DLK1: variants seen among roughly 807,000 people sequenced by gnomAD.
DLK1 encodes delta like non-canonical Notch ligand 1.
A neutral mutation model predicts 35.2 loss-of-function variants in DLK1; 9 were observed. The observed-to-expected ratio is 0.26, with a 90% CI of 0.15 to 0.45. DLK1 has a LOEUF of 0.45. DLK1 is among the 20% of genes least tolerant of loss of function. The probability of loss-of-function intolerance (pLI) is 1.00; values close to 1 mark genes in which losing one functional copy is unlikely to be tolerated. For missense variants in DLK1, 522 were observed against 528.5 expected (o/e 0.99, Z 0.12); for synonymous variants, 231 against 228.4 (o/e 1.01, Z -0.10).
chr14:100,734,410 C>A lies in DLK1; in HGVS notation c.666C>A (p.Thr222=), dbSNP rs2036546344. The change falls in exon 5 of 5, where the codon ACC becomes ACA. Residue 222 remains threonine (T), a synonymous_variant. Coordinates refer to ENST00000341267, the MANE Select transcript of DLK1 (RefSeq NM_003836.7). The surrounding 1 kb of genome is among the most constrained non-coding windows in gnomAD (Gnocchi z 7.4). Reference sequence around the variant, plus strand: ...GCAGCCCGTGCCAGAACGGGGGCACCTGCCTGCAGCACACCCAGGTGAGCT... The same window carrying A: ...GCAGCCCGTGCCAGAACGGGGGCACATGCCTGCAGCACACCCAGGTGAGCT... The part of the protein sequence containing the change: ...CASSPCQNGG[T]CLQHTQVSYE... The A allele has an allele frequency of 6.2e-7, 1 of 1,611,624 alleles. No individual in the cohort carries two copies. The highest frequency in any genetic ancestry group is 1.7e-5 in the Admixed American group (1 of 59,942).
At chr14:100,731,254 A>G (rs958976151) in intron 3 of DLK1, among the ~76,000 whole-genome samples, 1 of 152,160 alleles carries the variant, frequency 6.6e-6, no homozygotes, top group Non-Finnish European at 1.5e-5. Context: ...CCCCTGACTC[A>G]GGCCCTTGTG....
intron 2 of DLK1, 24 bp downstream of exon 2, chr14:100,728,483 C>T: frequency 6.2e-7 from 1 of 1,613,260 alleles, no homozygotes; most frequent in Non-Finnish European, 8.5e-7. Context: ...TCCTCAGAGG[C>T]AGCTTGTAGG....
chr14:100,733,014 A>G (rs2036527061), intron 4 of DLK1, among the ~76,000 whole-genome samples: 1 of 152,222 alleles, frequency 6.6e-6, no homozygotes, highest in African/African-American at 2.4e-5. Flanking sequence ...TTGACCGGAC[A>G]TCGCAGGGTG....
In DLK1 at chr14:100,734,869, C is replaced by T. The variant is rs139584149; in HGVS notation, c.1125C>T (p.Ser375=). 1.5e-3 allele frequency: 2,459 copies of T among 1,600,142 alleles called. 33 individuals are homozygous for T. In the African/African-American group the frequency reaches 0.025, roughly 16 times the overall value. ...FPEKIDMTTF[S]KEAGDEEI is the part of the protein sequence containing the mutation. ...AGAAGATCGACATGACCACCTTCAG[C>T]AAGGAGGCCGGCGACGAGGAGATCT... is the stretch of plus-strand genomic sequence containing the variant. The change falls in exon 5 of 5, where the codon AGC becomes AGT. Residue 375 remains serine (S), a synonymous_variant. Coordinates refer to ENST00000341267, the MANE Select transcript of DLK1 (RefSeq NM_003836.7). The surrounding 1 kb of genome is among the most constrained non-coding windows in gnomAD (Gnocchi z 7.4).
chr14:100,728,553 A>G (rs1042986093), intron 2 of DLK1, 94 bp downstream of exon 2: 56 of 1,208,804 alleles, frequency 4.6e-5, no homozygotes, highest in Non-Finnish European at 6.1e-5. Context: ...GGGCTTGGCC[A>G]CTACGCTGCA....
In DLK1 at chr14:100,727,094, G is replaced by A. The variant is rs1238174560; in HGVS notation, c.26G>A (p.Arg9His). The A allele has an allele frequency of 8.8e-6, 14 of 1,592,576 alleles. No homozygotes were observed. The highest frequency in any genetic ancestry group is 1.1e-5 in the Non-Finnish European group (13 of 1,170,686). ...ATGACCGCGACCGAAGCCCTCCTGC[G>A]CGTCCTCTTGCTCCTGCTGGCTTTC... MTATEALLRVLLLLLAFGH... is the reference protein window; with the variant it reads MTATEALLHVLLLLLAFGH... The change falls in exon 1 of 5, where the codon CGC (arginine) becomes CAC (histidine). Residue 9 changes from arginine (R) to histidine (H), a missense_variant. By Grantham distance (29) the Arg-to-His change is conservative. Coordinates refer to ENST00000341267, the MANE Select transcript of DLK1 (RefSeq NM_003836.7).
chr14:100,729,361 A>C (rs917137686), intron 3 of DLK1: 7 of 627,612 alleles, frequency 1.1e-5, no homozygotes, highest in Non-Finnish European at 2.0e-5. Context: ...ATACACATAC[A>C]GCTGGGCCGG....
chr14:100,729,180 C>CGGAGTGTGCAGG, intron 3 of DLK1, 114 bp downstream of exon 3: 3 of 1,528,676 alleles, frequency 2.0e-6, no homozygotes, highest in Non-Finnish European at 1.8e-6. Flanking sequence ...CATTCCTGCA[C>CGGAGTGTGCAGG]ACTCCGTGCC....
At chr14:100,733,188 GCTTTTCTCGCGAATGGA>G (rs2036529105) in intron 4 of DLK1, among the ~76,000 whole-genome samples, 1 of 152,134 alleles carries the variant, frequency 6.6e-6, no homozygotes, top group Admixed American at 6.5e-5. Flanking sequence ...AAAATATTTT[GCTTTTCTCGCGAATGGA>G]CTTAAACCAG....
intron 3 of DLK1, 103 bp from the exon 4 acceptor site, chr14:100,731,938 AC>A: frequency 1.4e-6 from 2 of 1,423,868 alleles, no homozygotes; most frequent in Non-Finnish European, 1.9e-6. Context: ...CTTACTCCAG[AC>A]CCCACTCGGT....
At position 100,737,361 on chromosome 14, in the gene DLK1, A is replaced by G. The variant is rs1054089709; in HGVS notation, c.*2465A>G. ...ACCCTGCCTGGCCTCTCTCAGCGTG[A>G]GACCTGGACTGAGCCTGCTAACGAT... On this transcript the variant is annotated 3_prime_UTR_variant, in exon 5 of 5. Coordinates refer to ENST00000341267, the MANE Select transcript of DLK1 (RefSeq NM_003836.7). 2.6e-5 allele frequency: 4 copies of G among 152,080 alleles called. No homozygotes were observed. The highest frequency in any genetic ancestry group is 9.6e-5 in the African/African-American group (4 of 41,504). The allele number at this position is 152,080 out of a possible 1,614,324, so 9.4% of individuals were successfully genotyped here.
intron 3 of DLK1, among the ~76,000 whole-genome samples, chr14:100,730,060 G>T (rs1481329432): frequency 6.6e-6 from 1 of 152,212 alleles, no homozygotes; most frequent in East Asian, 1.9e-4. Flanking sequence ...AGAGCATTTT[G>T]TTGTGGCCCC....
rs2036517851 is a variant in DLK1, at chr14:100,732,207, T to G, written c.404+24T>G. ...GGGTAAATATCCTTCCTGTGTGTGA[T>G]CTAATGAATGCTGCTTTTCATGCGG... On this transcript the variant is annotated intron_variant, in intron 4 of 4. Coordinates refer to ENST00000341267, the MANE Select transcript of DLK1 (RefSeq NM_003836.7). The G allele has an allele frequency of 5.0e-6, 8 of 1,606,416 alleles. No individual in the cohort carries two copies. The South Asian group carries it at 7.8e-5, about 16-fold the overall frequency.
chr14:100,728,518 G>T, intron 2 of DLK1, 59 bp downstream of exon 2: 1 of 1,582,134 alleles, frequency 6.3e-7, no homozygotes, highest in African/African-American at 1.4e-5. Context: ...CTGGGGAGTC[G>T]TGAAGTCAGG....
chr14:100,728,065 C>T (rs1473124126), intron 1 of DLK1, among the ~76,000 whole-genome samples: 2 of 152,200 alleles, frequency 1.3e-5, no homozygotes, highest in Non-Finnish European at 2.9e-5. Context: ...ACATATTTCC[C>T]TCCACGGTCC....
At chr14:100,729,093 G>T (rs756679881) in intron 3 of DLK1, 27 bp downstream of exon 3, 3 of 1,612,320 alleles carry the variant, frequency 1.9e-6, no homozygotes, top group South Asian at 1.1e-5. Context: ...GTTCACCTCA[G>T]CTCTGCGTCC....
chr14:100,730,235 GC>G lies in DLK1; in HGVS notation c.262+1170del, dbSNP rs199528551. Among the ~76,000 whole-genome samples the G allele has an allele frequency of 5.8e-3, 888 of 152,340 alleles. 8 individuals carry two copies. The highest frequency in any genetic ancestry group is 0.02 in the African/African-American group (814 of 41,578). On this transcript the variant is annotated intron_variant, in intron 3 of 4. Coordinates refer to ENST00000341267, the MANE Select transcript of DLK1 (RefSeq NM_003836.7). ...GCTGCCCCTCACAGAAGCAGCGGCA[GC>G]AGCTCTGAGTCGTTTGAGGATCTGG...
In DLK1 at chr14:100,738,203, A is replaced by G. The variant is rs1333461861; in HGVS notation, c.*3307A>G. On this transcript the variant is annotated 3_prime_UTR_variant, in exon 5 of 5. Transcript: ENST00000341267. Reference sequence around the variant, plus strand: ...CATGCAAAAAAACCTTGTTTATTGAAAAATAAACAACAAGGGCTAGACTTG... The same window carrying G: ...CATGCAAAAAAACCTTGTTTATTGAGAAATAAACAACAAGGGCTAGACTTG... The G allele has an allele frequency of 6.6e-6, 1 of 152,232 alleles. No individual in the cohort carries two copies. 9.4% of individuals were successfully genotyped at this position (152,232 alleles called of 1,614,324 possible). A position where few individuals can be genotyped will look rare whatever the true frequency, so the allele number is the denominator to read the frequency against.
Position 100,734,914 on chromosome 14 carries a change from C to A in DLK1, c.*18C>A. 1 of 1,549,066 alleles carries A rather than the reference C, an allele frequency of 6.5e-7. No individual in the cohort carries two copies. Among genetic ancestry groups the A allele is most frequent in the East Asian group, 2.3e-5 (1 of 44,396 alleles). On this transcript the variant is annotated 3_prime_UTR_variant, in exon 5 of 5. Transcript: ENST00000341267. This position sits in a 1 kb window ranked among gnomAD's most constrained non-coding sequence, Gnocchi z 7.4. ...AGATCTAAGCAGCGTTCCCACAGCCCCCTCTAGATTCTTGGAGTTCCGCAG... is the reference window on the plus strand; with the variant it reads ...AGATCTAAGCAGCGTTCCCACAGCCACCTCTAGATTCTTGGAGTTCCGCAG...
Sources: gnomAD v4.1 joint callset for allele counts (sites outside exome capture counted in the v4.1 genomes callset) on GRCh38, gnomAD v4.1.1 for gene constraint, Gnocchi (gnomAD v3.1) non-coding constraint, MANE v1.5 for transcripts, NCBI Gene and HGNC (gene_info 2026-07-23, HGNC 2026-07-21) for gene names.